The following ANKS1B variants were observed in gnomAD, a reference collection of about 807,000 sequenced individuals.
ANKS1B encodes ankyrin repeat and sterile alpha motif domain containing 1B.
A neutral mutation model predicts 148.3 loss-of-function variants in ANKS1B; 36 were observed. The observed-to-expected ratio is 0.24, with a 90% CI of 0.19 to 0.32. The LOEUF (loss-of-function observed/expected upper bound fraction) is 0.32, where lower values mean the gene tolerates loss of function less well. Ranked by LOEUF, ANKS1B falls within the 10% of genes least tolerant of loss-of-function variation. The pLI, the probability that ANKS1B is intolerant of heterozygous loss-of-function variation, is 1.00. For synonymous variants in ANKS1B, 542 were observed against 560.8 expected, an observed-to-expected ratio of 0.97 and a Z score of 0.47; for missense variants, 1,157 against 1,542.6, an observed-to-expected ratio of 0.75 and a Z score of 4.19.
intron 14 of ANKS1B, among the ~76,000 whole-genome samples, chr12:99,177,454 G>A (rs1034904526): frequency 9.9e-5 from 15 of 152,134 alleles, no homozygotes; most frequent in African/African-American, 2.9e-4. Context: ...AGCATGAGCC[G>A]CTGGTACAAA....
At chr12:98,923,821 T>C (rs2099804553) in intron 17 of ANKS1B, among the ~76,000 whole-genome samples, 1 of 152,216 alleles carries the variant, frequency 6.6e-6, no homozygotes, top group Non-Finnish European at 1.5e-5. Flanking sequence ...GTCATAGCCA[T>C]TTCTCATTTT....
At chr12:99,379,544 T>C (rs1011978611) in intron 12 of ANKS1B, among the ~76,000 whole-genome samples, 3 of 152,238 alleles carry the variant, frequency 2.0e-5, no homozygotes, top group African/African-American at 7.2e-5. Context: ...TGATGACTTT[T>C]ATTGCTGAAA....
chr12:99,843,600 T>A (rs972908801), intron 1 of ANKS1B, among the ~76,000 whole-genome samples: 3 of 152,178 alleles, frequency 2.0e-5, no homozygotes, highest in African/African-American at 7.2e-5. Flanking sequence ...TTCCTTTTTA[T>A]GGCTGCATAG....
chr12:99,356,714 A>G (rs2092017647), intron 12 of ANKS1B, among the ~76,000 whole-genome samples: 1 of 152,158 alleles, frequency 6.6e-6, no homozygotes, highest in South Asian at 2.1e-4. Flanking sequence ...ATTGATGCCT[A>G]AGCTATCTAA....
chr12:99,867,214 C>T (rs1350068065), intron 1 of ANKS1B, among the ~76,000 whole-genome samples: 2 of 152,112 alleles, frequency 1.3e-5, no homozygotes. Flanking sequence ...TTTCCCTTCC[C>T]ACGGCACAAA....
At chr12:99,448,547 TAA>T (rs2095673707) in intron 10 of ANKS1B, among the ~76,000 whole-genome samples, 1 of 152,086 alleles carries the variant, frequency 6.6e-6, no homozygotes, top group African/African-American at 2.4e-5. Context: ...TTGTATTCTT[TAA>T]AAGAGTAGAT....
Position 99,558,304 on chromosome 12 carries a change from G to T in ANKS1B, c.1273-53663C>A, listed in dbSNP as rs2097299056. Among the ~76,000 whole-genome samples, 3 of 152,202 alleles carry T rather than the reference G, an allele frequency of 2.0e-5. No individual in the cohort carries two copies. In the South Asian group the frequency reaches 6.2e-4, roughly 31 times the overall value. On this transcript the variant is annotated intron_variant, in intron 9 of 26. Transcript: ENST00000683438. ...TGTGCACATCCACGCCAGCAGCAGT[G>T]CAGCAGGATGCCCAAGCATCAGGAG...
chr12:98,740,714 G>C (rs1277855745), downstream of ANKS1B, among the ~76,000 whole-genome samples: 1 of 152,130 alleles, frequency 6.6e-6, no homozygotes, highest in Non-Finnish European at 1.5e-5. Flanking sequence ...CATTGTTGGG[G>C]GCTGCAGTGT....
intron 11 of ANKS1B, among the ~76,000 whole-genome samples, chr12:99,424,457 G>T (rs1426897864): frequency 6.7e-6 from 1 of 148,698 alleles, no homozygotes; most frequent in African/African-American, 2.4e-5. Context: ...CAGTTTGATG[G>T]CTTTAAGTTG....
chr12:99,087,049 G>A (rs76983021), intron 15 of ANKS1B, among the ~76,000 whole-genome samples: 1,550 of 152,234 alleles, frequency 0.01, 27 homozygotes, highest in African/African-American at 0.035. Context: ...GAAGTTTGAC[G>A]TGGAGATTGA....
intron 15 of ANKS1B, among the ~76,000 whole-genome samples, chr12:99,112,463 T>C (rs1190037843): frequency 6.6e-6 from 1 of 151,918 alleles, no homozygotes; most frequent in Admixed American, 6.6e-5. Flanking sequence ...TTTCTCCCAC[T>C]GATCAACATC....
intron 24 of ANKS1B, 93 bp from the exon 25 acceptor site, chr12:98,773,272 T>G (rs1311032048): frequency 2.1e-6 from 3 of 1,447,674 alleles, no homozygotes; most frequent in Non-Finnish European, 2.8e-6. Context: ...GTTGCTTTCC[T>G]TCTTTCTGGA....
chr12:99,454,106 C>A (rs1389863442), intron 10 of ANKS1B, among the ~76,000 whole-genome samples: 4 of 152,158 alleles, frequency 2.6e-5, no homozygotes, highest in Non-Finnish European at 5.9e-5. Context: ...ATAAATAGTT[C>A]AGCTTGGCTG....
At chr12:99,613,226 A>C (rs1312437294) in intron 9 of ANKS1B, among the ~76,000 whole-genome samples, 3 of 152,142 alleles carry the variant, frequency 2.0e-5, no homozygotes, top group Admixed American at 6.6e-5. Context: ...TGTGGAGAAA[A>C]AGAAATGCTT....
intron 25 of ANKS1B, among the ~76,000 whole-genome samples, chr12:98,758,524 CCAGG>C (rs1345724943): frequency 6.6e-6 from 1 of 152,188 alleles, no homozygotes; most frequent in Non-Finnish European, 1.5e-5. Context: ...GAGGCAGCCT[CCAGG>C]CCGGGGGTGT....
chr12:99,665,796 AT>A (rs936222005), intron 8 of ANKS1B, among the ~76,000 whole-genome samples: 1 of 152,126 alleles, frequency 6.6e-6, no homozygotes, highest in African/African-American at 2.4e-5. Flanking sequence ...TTGACTTCTT[AT>A]TGCTGTGTTG....
At chr12:99,310,165 C>T (rs143473153) in intron 12 of ANKS1B, among the ~76,000 whole-genome samples, 314 of 152,208 alleles carry the variant, frequency 2.1e-3, no homozygotes, top group African/African-American at 7.0e-3. Flanking sequence ...GACCAACCAT[C>T]CCTTAAGAAA....
chr12:99,123,591 T>C (rs1207392222), intron 15 of ANKS1B, among the ~76,000 whole-genome samples: 1 of 151,908 alleles, frequency 6.6e-6, no homozygotes, highest in Non-Finnish European at 1.5e-5. Context: ...ACCTCAAAAG[T>C]AGGAAGGTAG....
intron 11 of ANKS1B, among the ~76,000 whole-genome samples, chr12:99,421,334 T>C (rs1445976579): frequency 1.3e-5 from 2 of 151,972 alleles, no homozygotes; most frequent in East Asian, 3.9e-4. Context: ...CGGAAGAAAA[T>C]ACAGCACACA....
Sources: allele counts gnomAD v4.1 joint callset (sites outside exome capture counted in the v4.1 genomes callset), GRCh38; gene constraint gnomAD v4.1.1; transcripts MANE v1.5; gene names NCBI Gene and HGNC (gene_info 2026-07-23, HGNC 2026-07-21).